The following CALCR variants were observed in gnomAD, a reference collection of about 807,000 sequenced individuals.
CALCR encodes calcitonin receptor.
A neutral mutation model predicts 59.5 loss-of-function variants in CALCR; 47 were observed. That is an observed-to-expected ratio of 0.79 (90% CI 0.63 to 1.01). The LOEUF (loss-of-function observed/expected upper bound fraction) is 1.01, where lower values mean the gene tolerates loss of function less well. Among genes scored for constraint, CALCR ranks in the 50% least tolerant of loss-of-function variants. CALCR has a pLI of 0.00. For synonymous variants in CALCR, 213 were observed against 211.3 expected, an observed-to-expected ratio of 1.01 and a Z score of -0.07; for missense variants, 566 against 597.1, an observed-to-expected ratio of 0.95 and a Z score of 0.54.
intron 2 of CALCR, among the ~76,000 whole-genome samples, chr7:93,511,287 A>G (rs972711361): frequency 1.3e-5 from 2 of 152,162 alleles, no homozygotes; most frequent in South Asian, 2.1e-4. Flanking sequence ...ACGTACTGCT[A>G]AAGATCTTCT....
At chr7:93,512,281 C>T (rs1001760479) in intron 2 of CALCR, among the ~76,000 whole-genome samples, 26 of 152,102 alleles carry the variant, frequency 1.7e-4, no homozygotes, top group African/African-American at 4.8e-4. Flanking sequence ...CTGTATGGTA[C>T]GTTGCATCTT....
chr7:93,566,078 ATT>A (rs917974128), intron 2 of CALCR, among the ~76,000 whole-genome samples: 7 of 151,988 alleles, frequency 4.6e-5, no homozygotes, highest in Non-Finnish European at 1.0e-4. Context: ...TATTAAAGAG[ATT>A]TTTTTCCTAT....
intron 3 of CALCR, among the ~76,000 whole-genome samples, chr7:93,484,966 C>T (rs1006968712): frequency 2.0e-5 from 3 of 151,608 alleles, no homozygotes; most frequent in Non-Finnish European, 4.4e-5. Flanking sequence ...GACTTTAAAA[C>T]CTATATGGAA....
At chr7:93,429,404 T>G (rs980648710) in intron 13 of CALCR, among the ~76,000 whole-genome samples, 2 of 152,210 alleles carry the variant, frequency 1.3e-5, no homozygotes, top group East Asian at 3.8e-4. Context: ...CAAAAAGATT[T>G]GAATTATATA....
intron 2 of CALCR, among the ~76,000 whole-genome samples, chr7:93,520,649 C>G (rs1349209661): frequency 6.6e-6 from 1 of 152,126 alleles, no homozygotes; most frequent in South Asian, 2.1e-4. Flanking sequence ...ATCAACTCTA[C>G]AAAAATTAGC....
chr7:93,529,274 T>TAAAA (rs1182219212), intron 2 of CALCR, among the ~76,000 whole-genome samples: 1 of 152,176 alleles, frequency 6.6e-6, no homozygotes, highest in East Asian at 1.9e-4. Flanking sequence ...TTTAAAAGTG[T>TAAAA]GTGGCACCTC....
At chr7:93,481,972 A>G (rs968896429) in intron 3 of CALCR, among the ~76,000 whole-genome samples, 1 of 151,904 alleles carries the variant, frequency 6.6e-6, no homozygotes, top group African/African-American at 2.4e-5. Context: ...GCTGAATAAA[A>G]TAAGTGTAGA....
At chr7:93,554,179 A>AT (rs1789534195) in intron 2 of CALCR, among the ~76,000 whole-genome samples, 1 of 152,240 alleles carries the variant, frequency 6.6e-6, no homozygotes, top group African/African-American at 2.4e-5. Context: ...TTATCTGTTT[A>AT]TTTTTTATAT....
In CALCR at chr7:93,443,712, AG is replaced by A. The variant is rs1440015147; in HGVS notation, c.693del (p.Cys232AlafsTer60). ...ILHFFHQYMM[A>X]CNYFWMLCEG... ...TCACAGAGCATCCAGAAATAGTTGC[AG>A]GCCATCATGTACTGGTGGAAAAAAT... is the stretch of plus-strand genomic sequence containing the variant. On this transcript the variant is annotated frameshift_variant, in exon 9 of 14. Coordinates refer to ENST00000426151, the MANE Select transcript of CALCR (RefSeq NM_001742.4). LOFTEE classifies it high-confidence loss of function. 6.2e-7 allele frequency: 1 copy of A among 1,612,846 alleles called. No homozygotes were observed.
chr7:93,440,568 T>C (rs1799880307), intron 9 of CALCR, among the ~76,000 whole-genome samples: 1 of 146,318 alleles, frequency 6.8e-6, no homozygotes, highest in African/African-American at 2.5e-5. Context: ...TGTGTGCATG[T>C]AGAAAGATAG....
chr7:93,443,601 T>C lies in CALCR; in HGVS notation c.802+3A>G. The C allele has an allele frequency of 6.2e-7, 1 of 1,611,982 alleles. No individual in the cohort carries two copies. The highest frequency in any genetic ancestry group is 8.5e-7 in the Non-Finnish European group (1 of 1,178,986). ...TCAAAACTTAGCTGCAGAAAATACA[T>C]ACCCCAGCCCAAGAGATAATACCAC... is the stretch of plus-strand genomic sequence containing the variant. On this transcript the variant is annotated splice_donor_region_variant and intron_variant, in intron 9 of 13. Coordinates refer to ENST00000426151, the MANE Select transcript of CALCR (RefSeq NM_001742.4).
intron 2 of CALCR, among the ~76,000 whole-genome samples, chr7:93,563,008 T>A (rs1789782680): frequency 6.6e-6 from 1 of 152,102 alleles, no homozygotes; most frequent in Non-Finnish European, 1.5e-5. Context: ...GTAAATAAAT[T>A]TAAAAATATC....
Position 93,472,391 on chromosome 7 carries a change from G to C in CALCR, c.413C>G (p.Thr138Ser), listed in dbSNP as rs747347985. 6.2e-7 allele frequency: 1 copy of C among 1,600,402 alleles called. No homozygotes were observed. Among genetic ancestry groups the C allele is most frequent in the African/African-American group, 1.3e-5 (1 of 74,426 alleles). Residue 138 changes from threonine to serine, a missense_variant, in exon 6 of 14, where the codon ACT (threonine) becomes AGT (serine). By Grantham distance (58) the Thr-to-Ser change is moderately conservative. Coordinates refer to ENST00000426151, the MANE Select transcript of CALCR (RefSeq NM_001742.4). ...WSNYTMCNAFTPEKLKNAYVL... is the reference protein window; with the variant it reads ...WSNYTMCNAFSPEKLKNAYVL... ...AGAACCTACCTTCAGTTTCTCAGGA[G>C]TGAAAGCATTGCACATAGTATAGTT... is the stretch of plus-strand genomic sequence containing the variant.
rs1269724354 is a variant in CALCR, at chr7:93,434,374, C to T, written c.1150-80G>A. On this transcript the variant is annotated intron_variant, in intron 12 of 13. Transcript: ENST00000426151. Reference sequence around the variant, plus strand: ...TTAGTAAACAATATAATAGACTGCCCAGAGAAGGCCTGATGAAAAAAAAAA... The same window carrying T: ...TTAGTAAACAATATAATAGACTGCCTAGAGAAGGCCTGATGAAAAAAAAAA... 6.1e-6 allele frequency: 5 copies of T among 818,958 alleles called. No homozygotes were observed. The African/African-American group carries it at 9.5e-5, about 15-fold the overall frequency. 50.7% of individuals were successfully genotyped at this position (818,958 alleles called of 1,614,324 possible). A position where few individuals can be genotyped will look rare whatever the true frequency, so the allele number is the denominator to read the frequency against.
intron 11 of CALCR, among the ~76,000 whole-genome samples, chr7:93,436,667 G>T (rs767121148): frequency 1.3e-4 from 19 of 151,954 alleles, no homozygotes; most frequent in Non-Finnish European, 2.2e-4. Context: ...AGTGCCTTTT[G>T]TATCCTGCTT....
chr7:93,426,383 A>G lies in CALCR; in HGVS notation c.1398T>C (p.Asn466=). 6.2e-7 allele frequency: 1 copy of G among 1,609,538 alleles called. No individual in the cohort carries two copies. The highest frequency in any genetic ancestry group is 8.5e-7 in the Non-Finnish European group (1 of 1,175,922). The change falls in exon 14 of 14, where the codon AAT becomes AAC. Residue 466 remains asparagine (N), a synonymous_variant. Transcript: ENST00000426151. ...AAGCAGATGACTCTTGCTCTATGAT[A>G]TTCAAAGGGATGATCTCAGCACTCT... ...GEESAEIIPL[N]IIEQESSA
chr7:93,465,786 C>T (rs139187049), intron 7 of CALCR, among the ~76,000 whole-genome samples: 40 of 151,962 alleles, frequency 2.6e-4, no homozygotes, highest in African/African-American at 9.6e-4. Flanking sequence ...CTTTTACCTT[C>T]CCCTGCATGC....
rs1554401502 is a variant in CALCR at position 93,488,582 on chromosome 7, GAA to G, written c.-26-1577_-26-1576del. Reference sequence around the variant, plus strand: ...GGAAAATTTACCAAGCAAATGGAAAGAAAAAAAAAAAAAAAAAAAGCATGGGT... The same window carrying G: ...GGAAAATTTACCAAGCAAATGGAAAGAAAAAAAAAAAAAAAAAGCATGGGT... On this transcript the variant is annotated intron_variant, in intron 2 of 13. Coordinates refer to ENST00000426151, the MANE Select transcript of CALCR (RefSeq NM_001742.4). 3.1e-3 allele frequency among the ~76,000 whole-genome samples: 239 copies of G among 78,046 alleles called. 5 individuals carry two copies. The highest frequency in any genetic ancestry group is 0.011 in the African/African-American group (220 of 20,028). 51.2% of individuals were successfully genotyped at this position (78,046 alleles called of 152,430 possible).
rs1562924039 is a variant in CALCR, at chr7:93,429,936, T to TTG, written c.1192-3348_1192-3347insCA. On this transcript the variant is annotated intron_variant, in intron 13 of 13. Transcript: ENST00000426151. ...ACGGTTTTTTTTTTTGTTTGTTTGT[T>TTG]TTTTTGTTTTTTTTTGAGACAGAGT... 6.8e-4 allele frequency among the ~76,000 whole-genome samples: 73 copies of TTG among 107,848 alleles called. 2 individuals are homozygous for TTG. Among genetic ancestry groups the TTG allele is most frequent in the African/African-American group, 2.6e-3 (72 of 27,912 alleles). The allele number at this position is 107,848 out of a possible 152,430, so 70.8% of individuals were successfully genotyped here.
Sources: allele counts gnomAD v4.1 joint callset (sites outside exome capture counted in the v4.1 genomes callset), GRCh38; gene constraint gnomAD v4.1.1; transcripts MANE v1.5; gene names NCBI Gene and HGNC (gene_info 2026-07-23, HGNC 2026-07-21).